CFAP65: variants seen among roughly 807,000 people sequenced by gnomAD.
CFAP65 encodes cilia- and flagella-associated protein 65.
CFAP65 carries 155 observed loss-of-function variants against 208.0 expected under a neutral mutation model. The observed-to-expected ratio is 0.75, with a 90% CI of 0.65 to 0.85. The LOEUF (loss-of-function observed/expected upper bound fraction) is 0.85, where lower values mean the gene tolerates loss of function less well. CFAP65 is among the 40% of genes least tolerant of loss of function. The pLI is 0.00. For synonymous variants in CFAP65, 970 were observed against 986.3 expected (o/e 0.98, Z 0.31); for missense variants, 2,294 against 2,451.3 (o/e 0.94, Z 1.36).
chr2:219,024,360 T>C, intron 14 of CFAP65, 100 bp from the exon 15 acceptor site: 1 of 1,447,410 alleles, frequency 6.9e-7, no homozygotes, highest in East Asian at 2.3e-5. Flanking sequence ...TGTCTCCAAG[T>C]AGATCAGAGG....
chr2:219,004,525 G>A lies in CFAP65; in HGVS notation c.5052-70C>T. The A allele has an allele frequency of 1.3e-6, 2 of 1,516,242 alleles. No homozygotes were observed. Among genetic ancestry groups the A allele is most frequent in the Non-Finnish European group, 1.8e-6 (2 of 1,131,614 alleles). 93.9% of individuals were successfully genotyped at this position (1,516,242 alleles called of 1,614,324 possible). A position where few individuals can be genotyped will look rare whatever the true frequency, so the allele number is the denominator to read the frequency against. ...AAGCCCCTGGGGAGCCCTGGCTTCA[G>A]AGCTAGGTTCTAGGTGGGAAAGGGG... On this transcript the variant is annotated intron_variant, in intron 32 of 34. Transcript: ENST00000341552. This position sits in a 1 kb window ranked among gnomAD's most constrained non-coding sequence, Gnocchi z 4.7.
Position 219,006,035 on chromosome 2 carries a change from G to T in CFAP65, c.4908C>A (p.Cys1636Ter), listed in dbSNP as rs755653498. 1 of 1,613,144 alleles carries T rather than the reference G, an allele frequency of 6.2e-7. No homozygotes were observed. The highest frequency in any genetic ancestry group is 1.3e-5 in the African/African-American group (1 of 74,952). Reference protein sequence around the residue: ...FLANFFSEFPCHFLHRELPKR... With the variant: ...FLANFFSEFP ...CAAGAGCTTACCGGTGCAAAAAGTGGCAGGGAAACTCTGAGAAGAAGTTAG... is the reference window on the plus strand; with the variant it reads ...CAAGAGCTTACCGGTGCAAAAAGTGTCAGGGAAACTCTGAGAAGAAGTTAG... Residue 1636 changes from cysteine (C) to a stop codon, truncating the protein, a stop_gained, in exon 31 of 35, where the codon TGC becomes TGA. Transcript: ENST00000341552. LOFTEE classifies it high-confidence loss of function.
Position 219,028,008 on chromosome 2 carries a change from T to A in CFAP65, c.1853A>T (p.Asp618Val). 6.6e-7 allele frequency: 1 copy of A among 1,517,134 alleles called. No individual in the cohort carries two copies. Among genetic ancestry groups the A allele is most frequent in the South Asian group, 1.3e-5 (1 of 75,202 alleles). 94.0% of individuals were successfully genotyped at this position (1,517,134 alleles called of 1,614,324 possible). ...QNGALMIPIQ[D>V]LEDMPAPQYP... The stretch of plus-strand genomic sequence containing the variant: ...CTGCGGGGCCGGCATGTCCTCCAGA[T>A]CCTGCATGGGGAAAGACAGGTGGAT... The change falls in exon 13 of 35, where the codon GAT becomes GTT. Residue 618 changes from aspartate to valine, a missense_variant and splice_region_variant. Coordinates refer to ENST00000341552, the MANE Select transcript of CFAP65 (RefSeq NM_194302.4).
intron 29 of CFAP65, 46 bp from the exon 30 acceptor site, chr2:219,006,555 C>A: frequency 6.3e-7 from 1 of 1,596,418 alleles, no homozygotes; most frequent in Non-Finnish European, 8.6e-7. Context: ...GAGGCCCGGC[C>A]GGGGGTGGTG....
chr2:219,027,568 C>CGGTCA (rs1345309934), intron 13 of CFAP65, 82 bp downstream of exon 13: 1 of 1,612,930 alleles, frequency 6.2e-7, no homozygotes, highest in African/African-American at 1.3e-5. Flanking sequence ...AAGCTGCCCT[C>CGGTCA]GGTCACTTCC....
intron 4 of CFAP65, 66 bp from the exon 5 acceptor site, chr2:219,035,730 C>T (rs1948319012): frequency 6.5e-7 from 1 of 1,533,280 alleles, no homozygotes; most frequent in Non-Finnish European, 8.7e-7. Context: ...TGCCAAGACC[C>T]AGAGAACAGG....
rs1045291283 is a variant in CFAP65, at chr2:219,039,216, A to G, written c.-2-166T>C. ...ATGTATGCATACATGTCTGTTTTCC[A>G]GGAGGAATGGCCACAGTTTTCACCA... On this transcript the variant is annotated intron_variant, in intron 2 of 34. Coordinates refer to ENST00000341552, the MANE Select transcript of CFAP65 (RefSeq NM_194302.4). 22 of 523,990 alleles carry G rather than the reference A, an allele frequency of 4.2e-5. No individual in the cohort carries two copies. The African/African-American group carries it at 4.3e-4, about 10-fold the overall frequency. 32.5% of individuals were successfully genotyped at this position (523,990 alleles called of 1,614,324 possible). A position where few individuals can be genotyped will look rare whatever the true frequency, so the allele number is the denominator to read the frequency against.
rs538526809 is a variant in CFAP65 at position 219,004,404 on chromosome 2, C to G, written c.5103G>C (p.Val1701=). Reference sequence around the variant, plus strand: ...ATTGGCGGAAGTACGGCACCTGCTCCACCAGGCTTTGGTCCACAGCCTCAT... The same window carrying G: ...ATTGGCGGAAGTACGGCACCTGCTCGACCAGGCTTTGGTCCACAGCCTCAT... ...NFHEAVDQSL[V]EQVPYFRQFW... Residue 1701 remains valine (V), a synonymous_variant, in exon 33 of 35, where the codon GTG becomes GTC. Transcript: ENST00000341552. This position sits in a 1 kb window ranked among gnomAD's most constrained non-coding sequence, Gnocchi z 4.7. The G allele has an allele frequency of 9.8e-5, 158 of 1,613,922 alleles. No individual in the cohort carries two copies. In the South Asian group the frequency reaches 1.7e-3, roughly 17 times the overall value.
In CFAP65 at chr2:219,038,939, T is replaced by G. The variant is rs1295095780; in HGVS notation, c.110A>C (p.Lys37Thr). 1 of 1,613,436 alleles carries G rather than the reference T, an allele frequency of 6.2e-7. No individual in the cohort carries two copies. Among genetic ancestry groups the G allele is most frequent in the East Asian group, 2.2e-5 (1 of 44,868 alleles). The change falls in exon 3 of 35, where the codon AAG (lysine) becomes ACG (threonine). Residue 37 changes from lysine (K) to threonine (T), a missense_variant. By Grantham distance (78) the Lys-to-Thr change is moderately conservative. Around this residue, in one of 2 missense-constraint regions of CFAP65, gnomAD observed 867 missense variants for 1,012.6 expected, o/e 0.86. Coordinates refer to ENST00000341552, the MANE Select transcript of CFAP65 (RefSeq NM_194302.4). ...FPLIPLLLRG[K>T]SVQKKQAESK... ...CTCTGCTTGTTTCTTCTGAACACTC[T>G]TGCCTCTTAGGAGAAGAGGAATAAG...
chr2:219,009,032 C>T lies in CFAP65; in HGVS notation c.4674+15G>A, dbSNP rs1946235815. ...GAAAGATCTGGGTGTTTGAGATCTA[C>T]TCAGCCCTCCTCACCTTCACTTTCA... On this transcript the variant is annotated intron_variant, in intron 29 of 34. Coordinates refer to ENST00000341552, the MANE Select transcript of CFAP65 (RefSeq NM_194302.4). The T allele has an allele frequency of 1.9e-6, 3 of 1,600,830 alleles. No homozygotes were observed. Among genetic ancestry groups the T allele is most frequent in the South Asian group, 1.1e-5 (1 of 90,724 alleles).
chr2:219,024,506 C>T (rs1239985103), intron 14 of CFAP65, among the ~76,000 whole-genome samples: 1 of 151,540 alleles, frequency 6.6e-6, no homozygotes, highest in Non-Finnish European at 1.5e-5. Context: ...GGGGCACAGG[C>T]CCCTGGGAAA....
chr2:219,018,897 T>C, intron 21 of CFAP65, 154 bp downstream of exon 21: 1 of 1,029,042 alleles, frequency 9.7e-7, no homozygotes, highest in Non-Finnish European at 1.5e-6. Context: ...CAACCCCAGT[T>C]CCACCCTGGC....
intron 13 of CFAP65, 93 bp downstream of exon 13, chr2:219,027,557 G>C: frequency 6.2e-7 from 1 of 1,613,020 alleles, no homozygotes; most frequent in East Asian, 2.2e-5. Context: ...GATGGAGCCT[G>C]AAGCTGCCCT....
intron 26 of CFAP65, 91 bp from the exon 27 acceptor site, chr2:219,010,176 G>A: frequency 7.6e-7 from 1 of 1,314,798 alleles, no homozygotes; most frequent in South Asian, 1.6e-5. Context: ...GGCCAAGGTG[G>A]GAGGATCACG....
intron 13 of CFAP65, chr2:219,026,474 T>A: frequency 4.1e-6 from 1 of 243,904 alleles, no homozygotes. Flanking sequence ...AAATATCACG[T>A]GAGCCACAAA....
chr2:219,022,929 A>C (rs569762441), intron 16 of CFAP65, among the ~76,000 whole-genome samples: 6 of 152,302 alleles, frequency 3.9e-5, no homozygotes, highest in African/African-American at 1.4e-4. Flanking sequence ...GGGAGGTGAC[A>C]TGCCTCTCAG....
Position 219,006,154 on chromosome 2 carries a change from C to A in CFAP65, c.4789G>T (p.Glu1597Ter), listed in dbSNP as rs1404482964. ...PASWKLQTPK[E>*]EVSWPCPQPP... Reference sequence around the variant, plus strand: ...TGGGGGCAGGGCCAGGACACCTCCTCCTTTGGGGTCTGCAGTTTCCAGCTG... The same window carrying A: ...TGGGGGCAGGGCCAGGACACCTCCTACTTTGGGGTCTGCAGTTTCCAGCTG... The change falls in exon 31 of 35, where the codon GAG (glutamate) becomes TAG (stop). Residue 1597 changes from glutamate to a stop codon, truncating the protein, a stop_gained. Transcript: ENST00000341552. LOFTEE classifies it high-confidence loss of function. The A allele has an allele frequency of 6.2e-7, 1 of 1,613,456 alleles. No individual in the cohort carries two copies. Among genetic ancestry groups the A allele is most frequent in the Non-Finnish European group, 8.5e-7 (1 of 1,179,754 alleles).
chr2:219,036,960 A>G (rs564530235), intron 4 of CFAP65, among the ~76,000 whole-genome samples: 6 of 152,304 alleles, frequency 3.9e-5, no homozygotes, highest in Non-Finnish European at 5.9e-5. Context: ...CTGATGGCCA[A>G]TATACTATTT....
In CFAP65 at chr2:219,004,382, G is replaced by T. The variant is rs146392908; in HGVS notation, c.5125C>A (p.Gln1709Lys). The change falls in exon 33 of 35, where the codon CAA becomes AAA. Residue 1709 changes from glutamine (Q) to lysine (K), a missense_variant. Physicochemically the swap from Gln to Lys is moderately conservative, Grantham distance 53. Coordinates refer to ENST00000341552, the MANE Select transcript of CFAP65 (RefSeq NM_194302.4). This position sits in a 1 kb window ranked among gnomAD's most constrained non-coding sequence, Gnocchi z 4.7. ...TTAGTTGACTGCTCATTCCAGAATTGGCGGAAGTACGGCACCTGCTCCACC... is the reference window on the plus strand; with the variant it reads ...TTAGTTGACTGCTCATTCCAGAATTTGCGGAAGTACGGCACCTGCTCCACC... ...SLVEQVPYFRQFWNEQSTKFM... is the reference protein window; with the variant it reads ...SLVEQVPYFRKFWNEQSTKFM... The T allele has an allele frequency of 7.4e-6, 12 of 1,613,992 alleles. No individual in the cohort carries two copies. The African/African-American group carries it at 1.3e-4, about 18-fold the overall frequency.
Sources: allele counts gnomAD v4.1 joint callset (sites outside exome capture counted in the v4.1 genomes callset), GRCh38; gene constraint gnomAD v4.1.1; regional missense constraint gnomAD v4.1.1; non-coding constraint Gnocchi (gnomAD v3.1); transcripts MANE v1.5; gene names NCBI Gene and HGNC (gene_info 2026-07-23, HGNC 2026-07-21).